Variants in CSPP1 observed in about 807,000 individuals in gnomAD.
CSPP1 encodes the protein centrosome and spindle pole-associated protein 1.
A neutral mutation model predicts 164.4 loss-of-function variants in CSPP1; 126 were observed. The observed-to-expected ratio is 0.77, with a 90% CI of 0.66 to 0.89. The LOEUF is 0.89. Ranked by LOEUF, CSPP1 falls within the 40% of genes least tolerant of loss-of-function variation. CSPP1 has a pLI of 0.00. For missense variants in CSPP1, 1,395 were observed against 1,449.8 expected (o/e 0.96, Z 0.61); for synonymous variants, 472 against 476.7 (o/e 0.99, Z 0.13).
chr8:67,126,976 T>A (rs1212484137), intron 15 of CSPP1, among the ~76,000 whole-genome samples: 1 of 151,922 alleles, frequency 6.6e-6, no homozygotes, highest in Non-Finnish European at 1.5e-5. Context: ...GAGATTGGAT[T>A]TTTGGGGAAT....
chr8:67,167,296 C>T (rs371779722), intron 24 of CSPP1, among the ~76,000 whole-genome samples: 3,005 of 151,246 alleles, frequency 0.02, 67 homozygotes, highest in South Asian at 0.046. Flanking sequence ...CCAGAAGGGG[C>T]GGCCGGGCAG....
At chr8:67,089,061 T>A (rs1229960011) in intron 4 of CSPP1, among the ~76,000 whole-genome samples, 1 of 152,014 alleles carries the variant, frequency 6.6e-6, no homozygotes, top group Non-Finnish European at 1.5e-5. Context: ...CTGGACCCCC[T>A]GAAATATGTA....
At position 67,095,534 on chromosome 8, in the gene CSPP1, C is replaced by G. The variant is rs770287638; in HGVS notation, c.725C>G (p.Ser242Cys). The G allele has an allele frequency of 6.2e-7, 1 of 1,613,500 alleles. No homozygotes were observed. The change falls in exon 7 of 31, where the codon TCC becomes TGC. Residue 242 changes from serine (S) to cysteine (C), a missense_variant. Coordinates refer to ENST00000678616, the MANE Select transcript of CSPP1 (RefSeq NM_001382391.1). ...AAAGCAAATGAAGAAGTGGGCATTT[C>G]CAACCTAAAACATCAAAGGTTTGCA... Reference protein sequence around the residue: ...IKKANEEVGISNLKHQRFASK... With the variant: ...IKKANEEVGICNLKHQRFASK...
At chr8:67,182,622 G>A (rs922495128) in intron 28 of CSPP1, among the ~76,000 whole-genome samples, 5 of 152,158 alleles carry the variant, frequency 3.3e-5, no homozygotes, top group South Asian at 2.1e-4. Context: ...CAAAAGTTCC[G>A]ATTTCTCTAC....
intron 9 of CSPP1, among the ~76,000 whole-genome samples, chr8:67,106,857 C>T (rs1433877514): frequency 6.6e-6 from 1 of 151,968 alleles, no homozygotes; most frequent in East Asian, 1.9e-4. Context: ...CATATTATTG[C>T]ATTATATTGT....
At chr8:67,068,866 T>C (rs1384199459) in intron 1 of CSPP1, among the ~76,000 whole-genome samples, 1 of 152,208 alleles carries the variant, frequency 6.6e-6, no homozygotes, top group Non-Finnish European at 1.5e-5. Context: ...ACGTAAATAT[T>C]GTCCAAGAAC....
intron 1 of CSPP1, among the ~76,000 whole-genome samples, chr8:67,066,811 CAG>C (rs1332701253): frequency 2.6e-5 from 4 of 152,112 alleles, no homozygotes; most frequent in Middle Eastern, 3.4e-3. Flanking sequence ...TTTTTTGAGA[CAG>C]AGTCTCACTC....
At chr8:67,137,710 CATGT>C (rs1822642023) in intron 17 of CSPP1, 107 bp downstream of exon 17, 2 of 550,804 alleles carry the variant, frequency 3.6e-6, no homozygotes, top group Admixed American at 3.9e-5. Flanking sequence ...TATAGCAACG[CATGT>C]ATGTAACTTA....
intron 24 of CSPP1, among the ~76,000 whole-genome samples, chr8:67,167,611 C>T (rs1294428250): frequency 6.6e-6 from 1 of 152,046 alleles, no homozygotes; most frequent in African/African-American, 2.4e-5. Flanking sequence ...GGGCTCCTCA[C>T]TTCTCAGACA....
At chr8:67,184,742 A>AT (rs1833986065) in intron 28 of CSPP1, among the ~76,000 whole-genome samples, 2 of 140,004 alleles carry the variant, frequency 1.4e-5, no homozygotes, top group South Asian at 2.3e-4. Context: ...ATAATAAAAA[A>AT]ATATAATAAT....
intron 15 of CSPP1, among the ~76,000 whole-genome samples, chr8:67,119,598 A>G (rs933630783): frequency 3.3e-5 from 5 of 151,938 alleles, no homozygotes; most frequent in Admixed American, 6.6e-5. Context: ...TGAGTGTAAG[A>G]TGGTATTTCA....
rs75226065 is a variant in CSPP1, at chr8:67,189,965, G to T, written c.3221-685G>T. Among the ~76,000 whole-genome samples the T allele has an allele frequency of 2.7e-4, 41 of 152,314 alleles. 1 individual carries two copies. The South Asian group carries it at 8.1e-3, about 30-fold the overall frequency. On this transcript the variant is annotated intron_variant, in intron 28 of 30. Transcript: ENST00000678616. ...AAAAGACCGACAATACCAAGTGTTG[G>T]TGAGGATGTGGGGAAATTGGAACCC...
intron 24 of CSPP1, among the ~76,000 whole-genome samples, chr8:67,168,344 G>C (rs1241555540): frequency 6.7e-6 from 1 of 149,540 alleles, no homozygotes; most frequent in African/African-American, 2.4e-5. Flanking sequence ...GGGAGGGGGA[G>C]AGGGAGAGGG....
chr8:67,190,605 T>C (rs773403414), intron 28 of CSPP1, 45 bp from the exon 29 acceptor site: 9 of 1,415,888 alleles, frequency 6.4e-6, no homozygotes, highest in Middle Eastern at 3.5e-4. Context: ...TGGGTAAGAT[T>C]TGAAGCAGTA....
At chr8:67,105,179 C>T (rs1815229306) in intron 8 of CSPP1, among the ~76,000 whole-genome samples, 1 of 150,616 alleles carries the variant, frequency 6.6e-6, no homozygotes, top group African/African-American at 2.4e-5. Context: ...GCGTGTGCCA[C>T]CATGTCCAGC....
At chr8:67,159,288 C>T in intron 21 of CSPP1, 151 bp downstream of exon 21, 2 of 719,992 alleles carry the variant, frequency 2.8e-6, no homozygotes, top group South Asian at 2.0e-5. Flanking sequence ...ATGTACTGAA[C>T]TTTCTGTAGG....
chr8:67,095,167 T>A, intron 6 of CSPP1, 126 bp from the exon 7 acceptor site: 1 of 536,220 alleles, frequency 1.9e-6, no homozygotes, highest in Non-Finnish European at 3.2e-6. Flanking sequence ...TATATATAAA[T>A]ATATGGGTGA....
intron 15 of CSPP1, among the ~76,000 whole-genome samples, chr8:67,123,768 C>T (rs768244081): frequency 2.6e-5 from 4 of 151,868 alleles, no homozygotes; most frequent in Non-Finnish European, 5.9e-5. Flanking sequence ...CATGCCACCA[C>T]GCCTGGCTAA....
At chr8:67,159,854 TTCTTTCTTTCTTTCTTTCTTTC>T (rs1827501268) in intron 21 of CSPP1, among the ~76,000 whole-genome samples, 1 of 19,760 alleles carries the variant, frequency 5.1e-5, no homozygotes, top group Non-Finnish European at 8.5e-5. Flanking sequence ...TTCTTTCTTT[TTCTTTCTTTCTTTCTTTCTTTC>T]TTTCTTTCTT....
Sources: allele counts gnomAD v4.1 joint callset (sites outside exome capture counted in the v4.1 genomes callset), GRCh38; gene constraint gnomAD v4.1.1; transcripts MANE v1.5; gene names NCBI Gene and HGNC (gene_info 2026-07-23, HGNC 2026-07-21).